Variants in CCDC6 observed in about 807,000 individuals in gnomAD.
CCDC6 encodes coiled-coil domain containing 6.
CCDC6 carries 20 observed loss-of-function variants against 56.6 expected under a neutral mutation model. That is an observed-to-expected ratio of 0.35 (90% CI 0.25 to 0.51). The LOEUF is 0.51. Among genes scored for constraint, CCDC6 ranks in the 20% least tolerant of loss-of-function variants. The pLI, the probability that CCDC6 is intolerant of heterozygous loss-of-function variation, is 0.95. For missense variants in CCDC6, 367 were observed against 601.1 expected (o/e 0.61, Z 4.07); for synonymous variants, 241 against 234.4 (o/e 1.03, Z -0.26).
intron 2 of CCDC6, among the ~76,000 whole-genome samples, chr10:59,850,503 C>T (rs1290250244): frequency 1.3e-5 from 2 of 152,194 alleles, no homozygotes; most frequent in Non-Finnish European, 2.9e-5. Context: ...AATGTTTTCA[C>T]AGAATCACAC....
chr10:59,850,514 C>G (rs1431315618), intron 2 of CCDC6, among the ~76,000 whole-genome samples: 1 of 152,152 alleles, frequency 6.6e-6, no homozygotes. Flanking sequence ...AGAATCACAC[C>G]TTCATACTAC....
At chr10:59,892,337 C>T (rs772243547) in intron 1 of CCDC6, among the ~76,000 whole-genome samples, 6 of 152,158 alleles carry the variant, frequency 3.9e-5, no homozygotes, top group African/African-American at 1.4e-4. Context: ...AGTGTGTTTA[C>T]CTCCTGCAGT....
chr10:59,792,522 G>C lies in CCDC6; in HGVS notation c.*395C>G. 2.0e-6 allele frequency: 1 copy of C among 498,620 alleles called. No homozygotes were observed. The highest frequency in any genetic ancestry group is 3.8e-6 in the Non-Finnish European group (1 of 263,420). The allele number at this position is 498,620 out of a possible 1,614,324, so 30.9% of individuals were successfully genotyped here. A position where few individuals can be genotyped will look rare whatever the true frequency, so the allele number is the denominator to read the frequency against. On this transcript the variant is annotated 3_prime_UTR_variant, in exon 9 of 9. Transcript: ENST00000263102. The stretch of plus-strand genomic sequence containing the variant: ...ATGAGAGGAGGGTAACAACAGCTCA[G>C]TAATTTTCTGCAGATTCATGGAAAA...
rs189640036 is a variant in CCDC6 at position 59,821,988 on chromosome 10, C to T, written c.583-7233G>A. ...AGTTTCCTAGTATAATTGAATAGTA[C>T]ATCCAAAAACAGCAATCCATTAATA... is the stretch of plus-strand genomic sequence containing the variant. On this transcript the variant is annotated intron_variant, in intron 3 of 8. Transcript: ENST00000263102. 1.9e-3 allele frequency among the ~76,000 whole-genome samples: 296 copies of T among 152,166 alleles called. 1 individual carries two copies. The highest frequency in any genetic ancestry group is 2.6e-3 in the Admixed American group (39 of 15,276).
At chr10:59,828,021 C>T (rs962151415) in intron 3 of CCDC6, among the ~76,000 whole-genome samples, 1 of 152,220 alleles carries the variant, frequency 6.6e-6, no homozygotes, top group Admixed American at 6.5e-5. Context: ...ATCTGATGAG[C>T]TAAACTTCAC....
chr10:59,797,830 C>A (rs1296058100), intron 7 of CCDC6, among the ~76,000 whole-genome samples: 2 of 152,030 alleles, frequency 1.3e-5, no homozygotes, highest in Non-Finnish European at 2.9e-5. Flanking sequence ...AAGAAACAAT[C>A]CCCAGTCCAA....
At chr10:59,838,349 C>A (rs1164247023) in intron 2 of CCDC6, among the ~76,000 whole-genome samples, 1 of 152,156 alleles carries the variant, frequency 6.6e-6, no homozygotes, top group African/African-American at 2.4e-5. Context: ...TCCCCAGGTC[C>A]ACTGTAGATC....
At chr10:59,899,377 G>T (rs2071487544) in intron 1 of CCDC6, among the ~76,000 whole-genome samples, 1 of 152,198 alleles carries the variant, frequency 6.6e-6, no homozygotes, top group South Asian at 2.1e-4. Flanking sequence ...TCCTTACTCA[G>T]CCTGACTGCA....
At chr10:59,818,503 G>GGGGC (rs1554883225) in intron 3 of CCDC6, among the ~76,000 whole-genome samples, 1 of 139,714 alleles carries the variant, frequency 7.2e-6, no homozygotes, top group Non-Finnish European at 1.6e-5. Context: ...GACGGGGGGG[G>GGGGC]GGGAAGCAGA....
At chr10:59,837,765 A>AG (rs1394344847) in intron 2 of CCDC6, among the ~76,000 whole-genome samples, 2 of 148,178 alleles carry the variant, frequency 1.3e-5, no homozygotes, top group African/African-American at 5.0e-5. Flanking sequence ...AAAAAAAAAA[A>AG]AAAAAGAAAG....
chr10:59,872,476 G>C (rs933103929), intron 1 of CCDC6, among the ~76,000 whole-genome samples: 1 of 152,150 alleles, frequency 6.6e-6, no homozygotes, highest in Non-Finnish European at 1.5e-5. Flanking sequence ...CTCCTTGCTC[G>C]TGCGAAGGTG....
At chr10:59,866,009 A>G (rs1443294276) in intron 1 of CCDC6, among the ~76,000 whole-genome samples, 1 of 152,116 alleles carries the variant, frequency 6.6e-6, no homozygotes. Flanking sequence ...CCAGAAGTTT[A>G]TCTTCCATCT....
At chr10:59,887,321 G>C (rs554439410) in intron 1 of CCDC6, among the ~76,000 whole-genome samples, 1 of 152,214 alleles carries the variant, frequency 6.6e-6, no homozygotes, top group East Asian at 1.9e-4. Context: ...TAAGGAAATG[G>C]TTGAAGAGAG....
intron 1 of CCDC6, among the ~76,000 whole-genome samples, chr10:59,879,102 T>G (rs539641206): frequency 4.6e-5 from 7 of 152,134 alleles, no homozygotes; most frequent in African/African-American, 1.4e-4. Flanking sequence ...AGGTAAGGAG[T>G]GAAGGGTCAA....
chr10:59,842,404 T>C (rs980489433), intron 2 of CCDC6, among the ~76,000 whole-genome samples: 1 of 152,232 alleles, frequency 6.6e-6, no homozygotes, highest in Non-Finnish European at 1.5e-5. Context: ...TCACTAATTT[T>C]TATCATGAAT....
chr10:59,820,758 A>G (rs2070743552), intron 3 of CCDC6, among the ~76,000 whole-genome samples: 1 of 145,990 alleles, frequency 6.8e-6, no homozygotes, highest in African/African-American at 2.6e-5. Context: ...AAAAAAAAAG[A>G]ACGAATGAAT....
intron 3 of CCDC6, among the ~76,000 whole-genome samples, chr10:59,818,458 T>C (rs2070724713): frequency 7.3e-6 from 1 of 136,318 alleles, no homozygotes; most frequent in South Asian, 2.6e-4. Context: ...GTACAGTAGG[T>C]CCTTGAATGT....
chr10:59,847,430 A>G (rs2132653509), intron 2 of CCDC6, among the ~76,000 whole-genome samples: 1 of 152,198 alleles, frequency 6.6e-6, no homozygotes, highest in Non-Finnish European at 1.5e-5. Flanking sequence ...CTGACAAGAC[A>G]GTTAGGCTAA....
chr10:59,861,656 G>C (rs1216991716), intron 1 of CCDC6, among the ~76,000 whole-genome samples: 1 of 152,122 alleles, frequency 6.6e-6, no homozygotes, highest in African/African-American at 2.4e-5. Context: ...GGAAATGACA[G>C]GAATTAAAAA....
Sources: allele counts gnomAD v4.1 joint callset (sites outside exome capture counted in the v4.1 genomes callset), GRCh38; gene constraint gnomAD v4.1.1; transcripts MANE v1.5; gene names NCBI Gene and HGNC (gene_info 2026-07-23, HGNC 2026-07-21).